IBTK: variants seen among roughly 807,000 people sequenced by gnomAD.
IBTK encodes the protein inhibitor of Bruton tyrosine kinase.
In IBTK, 83 loss-of-function variants were observed where a neutral mutation model predicts 154.9. The observed-to-expected ratio is 0.54, with a 90% CI of 0.45 to 0.64. IBTK has a LOEUF of 0.64. Among genes scored for constraint, IBTK ranks in the 30% least tolerant of loss-of-function variants. IBTK has a pLI of 0.00. For synonymous variants in IBTK, 515 were observed against 536.1 expected, an observed-to-expected ratio of 0.96 and a Z score of 0.54; for missense variants, 1,332 against 1,584.6, an observed-to-expected ratio of 0.84 and a Z score of 2.71.
At chr6:82,195,268 C>A (rs1160504166) in intron 22 of IBTK, among the ~76,000 whole-genome samples, 2 of 152,012 alleles carry the variant, frequency 1.3e-5, no homozygotes, top group Non-Finnish European at 2.9e-5. Flanking sequence ...AAACTTCTAT[C>A]CTATATTTTA....
intron 10 of IBTK, 60 bp from the exon 11 acceptor site, chr6:82,216,310 G>C: frequency 9.2e-7 from 1 of 1,091,018 alleles, no homozygotes; most frequent in South Asian, 1.5e-5. Context: ...TAAAATGATT[G>C]AGAAGTAAAT....
At chr6:82,227,082 G>A in intron 5 of IBTK, 110 bp downstream of exon 5, 2 of 607,030 alleles carry the variant, frequency 3.3e-6, no homozygotes, top group Non-Finnish European at 2.9e-6. Context: ...ATTATCAATT[G>A]ATGTATTATT....
At chr6:82,183,674 T>A (rs956488595) in intron 25 of IBTK, among the ~76,000 whole-genome samples, 2 of 152,052 alleles carry the variant, frequency 1.3e-5, no homozygotes, top group Middle Eastern at 3.4e-3. Flanking sequence ...AGCATTCTTT[T>A]AAAAAAAATA....
Position 82,234,125 on chromosome 6 carries a change from C to T in IBTK, c.418+34G>A, listed in dbSNP as rs373271913. 4.0e-5 allele frequency: 44 copies of T among 1,106,982 alleles called. 1 individual carries two copies. Among genetic ancestry groups the T allele is most frequent in the South Asian group, 2.1e-4 (16 of 75,298 alleles). The allele number at this position is 1,106,982 out of a possible 1,614,324, so 68.6% of individuals were successfully genotyped here. A position where few individuals can be genotyped will look rare whatever the true frequency, so the allele number is the denominator to read the frequency against. ...AATTGCTGGGATTACAGGTGTGAGC[C>T]GCAGCGCCCAGCCCATTTGTGAAAT... On this transcript the variant is annotated intron_variant, in intron 3 of 28. Transcript: ENST00000306270.
At chr6:82,246,799 T>TA (rs1435401178) in intron 1 of IBTK, among the ~76,000 whole-genome samples, 1 of 152,202 alleles carries the variant, frequency 6.6e-6, no homozygotes, top group African/African-American at 2.4e-5. Context: ...TACACCACTT[T>TA]ATGGGCACTG....
chr6:82,196,310 T>G lies in IBTK; in HGVS notation c.3162A>C (p.Ser1054=). Residue 1054 remains serine (S), a synonymous_variant, in exon 22 of 29, where the codon TCA becomes TCC. Coordinates refer to ENST00000306270, the MANE Select transcript of IBTK (RefSeq NM_015525.4). ...TCAAAAAACAAACCTCAATCTTATC[T>G]GAATGAAATCCTGTTGTGAAATCAG... ...QSPDFTTGFH[S]DKIEAKVKPY... is the part of the protein sequence containing the mutation. The G allele has an allele frequency of 6.2e-7, 1 of 1,604,202 alleles. No individual in the cohort carries two copies. Among genetic ancestry groups the G allele is most frequent in the Non-Finnish European group, 8.5e-7 (1 of 1,176,300 alleles).
At chr6:82,189,865 T>G (rs1768696921) in intron 25 of IBTK, among the ~76,000 whole-genome samples, 1 of 152,192 alleles carries the variant, frequency 6.6e-6, no homozygotes, top group Admixed American at 6.5e-5. Flanking sequence ...TTCCAATAAC[T>G]TTTCCCCCTT....
intron 11 of IBTK, among the ~76,000 whole-genome samples, chr6:82,215,255 T>C (rs1327782167): frequency 1.3e-5 from 2 of 152,076 alleles, no homozygotes; most frequent in Non-Finnish European, 2.9e-5. Context: ...GGATGGATGA[T>C]GACCCTACTT....
At chr6:82,240,137 T>C (rs758220431) in intron 2 of IBTK, 29 bp downstream of exon 2, 4 of 1,552,788 alleles carry the variant, frequency 2.6e-6, no homozygotes, top group Non-Finnish European at 1.8e-6. Flanking sequence ...CCAGACTAAA[T>C]ACGTTTAAAA....
At chr6:82,189,297 G>GA (rs772151074) in intron 25 of IBTK, among the ~76,000 whole-genome samples, 3 of 150,148 alleles carry the variant, frequency 2.0e-5, no homozygotes, top group African/African-American at 4.9e-5. Flanking sequence ...AACTTTCAGG[G>GA]AAAAAAAAAG....
chr6:82,225,230 A>ATTGTCTGCAG (rs1770249359), intron 6 of IBTK, among the ~76,000 whole-genome samples: 1 of 152,008 alleles, frequency 6.6e-6, no homozygotes, highest in African/African-American at 2.4e-5. Context: ...CAATCGCTTG[A>ATTGTCTGCAG]ACCCGAGGGG....
chr6:82,186,216 A>G (rs2127800888), intron 25 of IBTK, among the ~76,000 whole-genome samples: 1 of 152,270 alleles, frequency 6.6e-6, no homozygotes. Context: ...CTAAGAAACA[A>G]CAATATTGAA....
rs951737508 is a variant in IBTK at position 82,171,308 on chromosome 6, A to G, written c.*117T>C. On this transcript the variant is annotated 3_prime_UTR_variant, in exon 29 of 29. Coordinates refer to ENST00000306270, the MANE Select transcript of IBTK (RefSeq NM_015525.4). ...GATTTAACTGCAGTAAAGAAATTAT[A>G]TCTTTTCTTAATCTATTTAGAATGA... The G allele has an allele frequency of 9.4e-5, 68 of 723,836 alleles. No homozygotes were observed. Among genetic ancestry groups the G allele is most frequent in the Non-Finnish European group, 1.3e-4 (60 of 464,660 alleles). The allele number at this position is 723,836 out of a possible 1,614,324, so 44.8% of individuals were successfully genotyped here.
At chr6:82,215,925 G>A (rs1367776286) in intron 11 of IBTK, 151 bp downstream of exon 11, 1 of 557,922 alleles carries the variant, frequency 1.8e-6, no homozygotes, top group Non-Finnish European at 3.1e-6. Context: ...TGGATTATCT[G>A]TAGACATAAT....
chr6:82,178,095 C>T (rs1768182794), intron 26 of IBTK, among the ~76,000 whole-genome samples: 1 of 152,124 alleles, frequency 6.6e-6, no homozygotes, highest in South Asian at 2.1e-4. Context: ...TGGAAAAAAA[C>T]CCTGAAACTC....
chr6:82,221,951 G>A (rs1770116892), intron 8 of IBTK, among the ~76,000 whole-genome samples: 1 of 152,094 alleles, frequency 6.6e-6, no homozygotes, highest in Non-Finnish European at 1.5e-5. Flanking sequence ...AATCACCTGA[G>A]GTCAGGAGTT....
intron 4 of IBTK, among the ~76,000 whole-genome samples, chr6:82,229,906 G>T (rs989600565): frequency 6.6e-6 from 1 of 152,068 alleles, no homozygotes; most frequent in Non-Finnish European, 1.5e-5. Context: ...AGAGTTTAAG[G>T]ATTCTATTGC....
At chr6:82,239,711 T>G (rs143516001) in intron 2 of IBTK, among the ~76,000 whole-genome samples, 2 of 143,412 alleles carry the variant, frequency 1.4e-5, no homozygotes, top group African/African-American at 2.6e-5. Context: ...TTTGTCTTTA[T>G]TCTGCATCGG....
Position 82,202,577 on chromosome 6 carries a change from A to C in IBTK, c.2680T>G (p.Ser894Ala). ...TTCAATCCTATAAACTGTAAACAAG[A>C]CAGTTTCAACTGTTTTGCACTATAC... ...AMYSAKQLKL[S>A]CLQFIGLNMA... The change falls in exon 18 of 29, where the codon TCT becomes GCT. Residue 894 changes from serine to alanine, a missense_variant. Physicochemically the swap from Ser to Ala is moderately conservative, Grantham distance 99. Coordinates refer to ENST00000306270, the MANE Select transcript of IBTK (RefSeq NM_015525.4). The C allele has an allele frequency of 6.2e-7, 1 of 1,611,708 alleles. No individual in the cohort carries two copies. Among genetic ancestry groups the C allele is most frequent in the South Asian group, 1.1e-5 (1 of 90,708 alleles).
Sources: gnomAD v4.1 joint callset for allele counts (sites outside exome capture counted in the v4.1 genomes callset) on GRCh38, gnomAD v4.1.1 for gene constraint, MANE v1.5 for transcripts, NCBI Gene and HGNC (gene_info 2026-07-23, HGNC 2026-07-21) for gene names.